The following SLC24A2 variants were observed in gnomAD, a reference collection of about 807,000 sequenced individuals.
The protein encoded by SLC24A2 is solute carrier family 24 member 2, also known as sodium/potassium/calcium exchanger 2.
A neutral mutation model predicts 62.0 loss-of-function variants in SLC24A2; 36 were observed. The ratio of observed to expected loss-of-function variants is 0.58; its 90% CI spans 0.44 to 0.77. The LOEUF is 0.77. SLC24A2 is among the 30% of genes least tolerant of loss of function. SLC24A2 has a pLI of 0.00. For missense variants in SLC24A2, 846 were observed against 817.9 expected, an observed-to-expected ratio of 1.03 and a Z score of -0.42; for synonymous variants, 358 against 294.0, an observed-to-expected ratio of 1.22 and a Z score of -2.23.
At chr9:19,883,005 A>G in the SLC24A2 span, among the ~76,000 whole-genome samples, 2 of 152,234 alleles carry the variant, frequency 1.3e-5, no homozygotes, top group South Asian at 4.1e-4. Context: ...AATACGGCAT[A>G]ATTTTATGGA....
At chr9:20,123,249 T>A in the SLC24A2 span, among the ~76,000 whole-genome samples, 1,142 of 152,226 alleles carry the variant, frequency 7.5e-3, 11 homozygotes, top group African/African-American at 0.025. Context: ...AAATCCCAAT[T>A]ATGAAGGCTT....
the SLC24A2 span, among the ~76,000 whole-genome samples, chr9:20,306,271 G>C: frequency 6.6e-6 from 1 of 152,084 alleles, no homozygotes; most frequent in African/African-American, 2.4e-5. Context: ...AAATAACCAC[G>C]AAATTGGCAA....
chr9:19,687,015 T>C (rs532318363), intron 2 of SLC24A2, among the ~76,000 whole-genome samples: 18 of 152,204 alleles, frequency 1.2e-4, no homozygotes, highest in East Asian at 3.9e-4. Flanking sequence ...CATAATCCTA[T>C]GTGAACACGG....
chr9:19,987,113 G>C, the SLC24A2 span, among the ~76,000 whole-genome samples: 1 of 152,160 alleles, frequency 6.6e-6, no homozygotes, highest in Admixed American at 6.5e-5. Flanking sequence ...TCGTGTGGAA[G>C]AGCTGATGCT....
the SLC24A2 span, among the ~76,000 whole-genome samples, chr9:20,209,245 T>A: frequency 6.6e-6 from 1 of 152,232 alleles, no homozygotes; most frequent in Non-Finnish European, 1.5e-5. Context: ...TTTATTCCCA[T>A]ATGTAACTAC....
chr9:19,666,228 G>C (rs1036084861), intron 2 of SLC24A2, among the ~76,000 whole-genome samples: 3 of 151,874 alleles, frequency 2.0e-5, no homozygotes, highest in African/African-American at 7.3e-5. Context: ...AACATGGGGA[G>C]ACCTCATCTC....
At chr9:20,161,278 C>G in the SLC24A2 span, among the ~76,000 whole-genome samples, 1 of 151,358 alleles carries the variant, frequency 6.6e-6, no homozygotes. Flanking sequence ...GGCTCAGGTG[C>G]TTTCATAGAG....
intron 2 of SLC24A2, among the ~76,000 whole-genome samples, chr9:19,636,318 T>TCTTTTCTTTCCTTTTCTTTC (rs1554690366): frequency 3.1e-5 from 1 of 32,248 alleles, no homozygotes; most frequent in African/African-American, 1.2e-4. Context: ...TCTTTTCTTT[T>TCTTTTCTTTCCTTTTCTTTC]CTTTCTTTCT....
chr9:19,915,635 G>A, the SLC24A2 span, among the ~76,000 whole-genome samples: 3 of 152,014 alleles, frequency 2.0e-5, no homozygotes, highest in Non-Finnish European at 4.4e-5. Context: ...AGTAGTTCTA[G>A]TAGGTATGAA....
chr9:19,558,807 C>T (rs1287944691), intron 7 of SLC24A2, among the ~76,000 whole-genome samples: 3 of 152,204 alleles, frequency 2.0e-5, no homozygotes, highest in African/African-American at 4.8e-5. Flanking sequence ...AAAATACTCT[C>T]ACTGACAAAG....
chr9:19,689,523 T>C (rs1043668572), intron 2 of SLC24A2, among the ~76,000 whole-genome samples: 1 of 152,158 alleles, frequency 6.6e-6, no homozygotes, highest in African/African-American at 2.4e-5. Context: ...GGGAGTGTGA[T>C]AGATGACGTC....
the SLC24A2 span, among the ~76,000 whole-genome samples, chr9:20,029,467 C>T: frequency 3.9e-5 from 6 of 152,192 alleles, no homozygotes; most frequent in African/African-American, 1.4e-4. Context: ...AGAAACACCA[C>T]AGTTCCAACC....
chr9:19,970,981 C>T, the SLC24A2 span, among the ~76,000 whole-genome samples: 2 of 152,316 alleles, frequency 1.3e-5, no homozygotes, highest in African/African-American at 4.8e-5. Context: ...CTTTGTAGTG[C>T]TATCCCACTC....
intron 2 of SLC24A2, among the ~76,000 whole-genome samples, chr9:19,719,560 T>G (rs1165743679): frequency 6.6e-6 from 1 of 151,940 alleles, no homozygotes; most frequent in Non-Finnish European, 1.5e-5. Flanking sequence ...CCATTAACGA[T>G]AGAGGAGAAA....
intron 2 of SLC24A2, among the ~76,000 whole-genome samples, chr9:19,672,500 A>G (rs1434402854): frequency 6.9e-6 from 1 of 145,688 alleles, no homozygotes; most frequent in African/African-American, 2.7e-5. Flanking sequence ...TTTTAGTTTC[A>G]TTTATCTTTT....
rs59489637 is a variant in SLC24A2, at chr9:19,573,485, AACACACACACACACACACACAC to A, written c.1229-38_1229-17del. ...TCAATTTTTTCTGTGATATAATTTA[AACACACACACACACACACACAC>A]ACACACACACACACACACACACAGA... On this transcript the variant is annotated splice_polypyrimidine_tract_variant and intron_variant, in intron 6 of 10. Coordinates refer to ENST00000341998, the MANE Select transcript of SLC24A2 (RefSeq NM_020344.4). 4.4e-3 allele frequency: 3,570 copies of A among 819,128 alleles called. 76 individuals carry two copies. The highest frequency in any genetic ancestry group is 9.6e-3 in the African/African-American group (516 of 53,570). The allele number at this position is 819,128 out of a possible 1,614,324, so 50.7% of individuals were successfully genotyped here.
the SLC24A2 span, among the ~76,000 whole-genome samples, chr9:19,847,662 A>G: frequency 6.6e-6 from 1 of 152,226 alleles, no homozygotes; most frequent in Non-Finnish European, 1.5e-5. Context: ...GAACGCAAGC[A>G]TGATATATAT....
chr9:20,007,156 G>A, the SLC24A2 span, among the ~76,000 whole-genome samples: 1 of 152,100 alleles, frequency 6.6e-6, no homozygotes, highest in Non-Finnish European at 1.5e-5. Context: ...GAATAAATGG[G>A]CTCTGAGCAA....
chr9:19,632,478 C>A lies in SLC24A2; in HGVS notation c.931-10179G>T, dbSNP rs961439361. On this transcript the variant is annotated intron_variant, in intron 2 of 10. Coordinates refer to ENST00000341998, the MANE Select transcript of SLC24A2 (RefSeq NM_020344.4). This position sits in a 1 kb window ranked among gnomAD's most constrained non-coding sequence, Gnocchi z 4.5. ...AGTGTATATTCTAGCCTAGATCTCA[C>A]TTCCAAGACACATTCTTCCAATTAA... 6.6e-6 allele frequency among the ~76,000 whole-genome samples: 1 copy of A among 152,186 alleles called. No homozygotes were observed. The highest frequency in any genetic ancestry group is 1.5e-5 in the Non-Finnish European group (1 of 68,038).
Sources: gnomAD v4.1 joint callset for allele counts (sites outside exome capture counted in the v4.1 genomes callset) on GRCh38, gnomAD v4.1.1 for gene constraint, Gnocchi (gnomAD v3.1) non-coding constraint, MANE v1.5 for transcripts, NCBI Gene and HGNC (gene_info 2026-07-23, HGNC 2026-07-21) for gene names.